Variants in STX7 observed in about 807,000 individuals in gnomAD.
STX7 encodes syntaxin 7, also known as syntaxin-7.
STX7 carries 34 observed loss-of-function variants against 39.6 expected under a neutral mutation model. That is an observed-to-expected ratio of 0.86 (90% CI 0.65 to 1.14). The LOEUF (loss-of-function observed/expected upper bound fraction) is 1.14. STX7 is among the 50% of genes most tolerant of loss of function. The pLI, the probability that STX7 is intolerant of heterozygous loss-of-function variation, is 0.00. For synonymous variants in STX7, 119 were observed against 99.1 expected (o/e 1.20, Z -1.19); for missense variants, 284 against 310.4 (o/e 0.92, Z 0.64).
rs958554169 is a variant in STX7, at chr6:132,453,884, T to C, written c.*6874A>G. On this transcript the variant is annotated 3_prime_UTR_variant, in exon 10 of 10. Coordinates refer to ENST00000367941, the MANE Select transcript of STX7 (RefSeq NM_003569.3). ...ATAAGTTTGGCAATTTCTTAAAAAC[T>C]AAACATTCAACTACTATATGACCCA... The C allele has an allele frequency of 2.6e-5, 4 of 152,030 alleles. No homozygotes were observed. Among genetic ancestry groups the C allele is most frequent in the African/African-American group, 9.7e-5 (4 of 41,424 alleles). The allele number at this position is 152,030 out of a possible 1,614,324, so 9.4% of individuals were successfully genotyped here. A position where few individuals can be genotyped will look rare whatever the true frequency, so the allele number is the denominator to read the frequency against.
chr6:132,460,940 T>C lies in STX7; in HGVS notation c.694-90A>G, dbSNP rs549429568. 4.4e-6 allele frequency: 5 copies of C among 1,141,070 alleles called. No individual in the cohort carries two copies. In the East Asian group the frequency reaches 1.2e-4, roughly 28 times the overall value. 70.7% of individuals were successfully genotyped at this position (1,141,070 alleles called of 1,614,324 possible). ...CAGCAACTAAAAATAATTTGGTTCA[T>C]TTCTAGAGTAAAATCAGTAGTAGTA... On this transcript the variant is annotated intron_variant, in intron 9 of 9. Transcript: ENST00000367941.
Position 132,460,613 on chromosome 6 carries a change from A to T in STX7, c.*145T>A. 5.5e-6 allele frequency: 3 copies of T among 543,476 alleles called. No homozygotes were observed. The highest frequency in any genetic ancestry group is 3.8e-5 in the Admixed American group (1 of 26,640). 33.7% of individuals were successfully genotyped at this position (543,476 alleles called of 1,614,324 possible). A position where few individuals can be genotyped will look rare whatever the true frequency, so the allele number is the denominator to read the frequency against. Reference sequence around the variant, plus strand: ...ATATCAGATTTAATCCAAAGGAACCACCCCAACCCCCCCAATAAAAATAAC... The same window carrying T: ...ATATCAGATTTAATCCAAAGGAACCTCCCCAACCCCCCCAATAAAAATAAC... On this transcript the variant is annotated 3_prime_UTR_variant, in exon 10 of 10. Transcript: ENST00000367941.
chr6:132,495,752 A>T (rs1466792470), intron 2 of STX7, among the ~76,000 whole-genome samples: 1 of 152,178 alleles, frequency 6.6e-6, no homozygotes, highest in East Asian at 1.9e-4. Context: ...AAGAACTGTG[A>T]TCATTCTAAA....
chr6:132,500,820 C>A (rs1197021072), intron 2 of STX7, among the ~76,000 whole-genome samples: 3 of 152,154 alleles, frequency 2.0e-5, no homozygotes, highest in African/African-American at 4.8e-5. Context: ...ATCTGACCAT[C>A]CTTTTTCTGG....
chr6:132,480,909 C>T (rs996104737), intron 2 of STX7, among the ~76,000 whole-genome samples: 19 of 152,316 alleles, frequency 1.2e-4, no homozygotes, highest in African/African-American at 4.6e-4. Flanking sequence ...CTGTTCGTCT[C>T]CTTCCCTATT....
chr6:132,456,187 G>C lies in STX7; in HGVS notation c.*4571C>G, dbSNP rs1385154615. The C allele has an allele frequency of 6.6e-6, 1 of 152,000 alleles. No homozygotes were observed. The highest frequency in any genetic ancestry group is 1.5e-5 in the Non-Finnish European group (1 of 68,006). The allele number at this position is 152,000 out of a possible 1,614,324, so 9.4% of individuals were successfully genotyped here. ...ACACAGATCATCACTCAAATCAGTA[G>C]TTTCTCTTTAGAAAACTAGCAATTT... On this transcript the variant is annotated 3_prime_UTR_variant, in exon 10 of 10. Transcript: ENST00000367941.
chr6:132,474,577 C>G (rs969939483), intron 3 of STX7, among the ~76,000 whole-genome samples: 2 of 151,918 alleles, frequency 1.3e-5, no homozygotes, highest in African/African-American at 4.8e-5. Flanking sequence ...ATATATGTGA[C>G]TTGAAATTTA....
intron 2 of STX7, among the ~76,000 whole-genome samples, chr6:132,502,876 G>A (rs138834089): frequency 0.016 from 2,488 of 152,216 alleles, 56 homozygotes; most frequent in African/African-American, 0.056. Context: ...TCCAGCCTGG[G>A]CGACAGAGTG....
intron 7 of STX7, among the ~76,000 whole-genome samples, chr6:132,469,401 A>G (rs980373053): frequency 6.6e-5 from 10 of 152,032 alleles, no homozygotes; most frequent in African/African-American, 2.4e-4. Context: ...GGCTTGATAT[A>G]ACAATAATAA....
At chr6:132,479,560 C>T (rs1265215118) in intron 2 of STX7, among the ~76,000 whole-genome samples, 1 of 152,164 alleles carries the variant, frequency 6.6e-6, no homozygotes, top group African/African-American at 2.4e-5. Flanking sequence ...CTACATTTTG[C>T]TCTACGTATG....
intron 2 of STX7, among the ~76,000 whole-genome samples, chr6:132,502,440 C>G (rs1338560460): frequency 6.6e-6 from 1 of 151,880 alleles, no homozygotes; most frequent in Non-Finnish European, 1.5e-5. Flanking sequence ...ATCTGATTAA[C>G]CATAATTTAC....
At chr6:132,506,386 TCAAA>T (rs1226886105) in intron 1 of STX7, among the ~76,000 whole-genome samples, 3 of 151,194 alleles carry the variant, frequency 2.0e-5, no homozygotes, top group East Asian at 1.9e-4. Flanking sequence ...TACAAGAAAC[TCAAA>T]CAACTCAACA....
At chr6:132,464,099 C>A (rs373099042) in intron 8 of STX7, 24 bp from the exon 9 acceptor site, 4 of 1,571,934 alleles carry the variant, frequency 2.5e-6, no homozygotes, top group Non-Finnish European at 3.5e-6. Flanking sequence ...CACACACACA[C>A]AAATGTGTTA....
At chr6:132,469,553 CT>C (rs1774657273) in intron 7 of STX7, among the ~76,000 whole-genome samples, 1 of 152,114 alleles carries the variant, frequency 6.6e-6, no homozygotes, top group Non-Finnish European at 1.5e-5. Context: ...TTTTCTTTCT[CT>C]GGGCCAGACA....
intron 7 of STX7, among the ~76,000 whole-genome samples, chr6:132,469,354 C>T (rs1774648460): frequency 6.6e-6 from 1 of 152,244 alleles, no homozygotes; most frequent in African/African-American, 2.4e-5. Flanking sequence ...TTTATCTCTA[C>T]ACTGGTATTT....
intron 3 of STX7, among the ~76,000 whole-genome samples, chr6:132,474,799 G>A (rs932884358): frequency 1.3e-5 from 2 of 152,068 alleles, no homozygotes; most frequent in African/African-American, 2.4e-5. Context: ...CACTATGACT[G>A]CTGGTCTTCT....
rs1774803281 is a variant in STX7, at chr6:132,473,891, AT to A, written c.156-1517del. ...TTACCAAATACCCTATCTTTAATGC[AT>A]TTTTGTAAATCTCTGGAAATCATAA... On this transcript the variant is annotated intron_variant, in intron 3 of 9. Transcript: ENST00000367941. Among the ~76,000 whole-genome samples, 4 of 152,256 alleles carry A rather than the reference AT, an allele frequency of 2.6e-5. No individual in the cohort carries two copies. In the South Asian group the frequency reaches 8.3e-4, roughly 32 times the overall value.
intron 2 of STX7, among the ~76,000 whole-genome samples, chr6:132,487,013 G>C (rs112212405): frequency 0.023 from 3,555 of 152,174 alleles, 128 homozygotes; most frequent in African/African-American, 0.08. Flanking sequence ...TTCAATATAA[G>C]GATTATGCTG....
chr6:132,478,441 C>T (rs1748061168), intron 2 of STX7, among the ~76,000 whole-genome samples: 1 of 152,130 alleles, frequency 6.6e-6, no homozygotes, highest in Non-Finnish European at 1.5e-5. Context: ...ACCCCCAGTT[C>T]TCACTCATAC....
Sources: allele counts gnomAD v4.1 joint callset (sites outside exome capture counted in the v4.1 genomes callset), GRCh38; gene constraint gnomAD v4.1.1; transcripts MANE v1.5; gene names NCBI Gene and HGNC (gene_info 2026-07-23, HGNC 2026-07-21).